The following ASAP1 variants were observed in gnomAD, a reference collection of about 807,000 sequenced individuals.
The protein encoded by ASAP1 is arf-GAP with SH3 domain, ANK repeat and PH domain-containing protein 1.
ASAP1 carries 43 observed loss-of-function variants against 145.2 expected under a neutral mutation model. The observed-to-expected ratio is 0.30, with a 90% CI of 0.23 to 0.38. The LOEUF is 0.38. Ranked by LOEUF, ASAP1 falls within the 10% of genes least tolerant of loss-of-function variation. ASAP1 has a pLI of 1.00. For synonymous variants in ASAP1, 546 were observed against 515.5 expected (o/e 1.06, Z -0.80); for missense variants, 1,018 against 1,355.3 (o/e 0.75, Z 3.91).
At chr8:130,356,270 T>C (rs1169713160) in intron 3 of ASAP1, among the ~76,000 whole-genome samples, 1 of 152,196 alleles carries the variant, frequency 6.6e-6, no homozygotes, top group African/African-American at 2.4e-5. Context: ...TATCTAAATG[T>C]GCAGGAAGAG....
chr8:130,063,520 C>G (rs1468634014), intron 27 of ASAP1, among the ~76,000 whole-genome samples: 5 of 152,200 alleles, frequency 3.3e-5, no homozygotes, highest in African/African-American at 4.8e-5. Context: ...TCAGGGTACA[C>G]TGGCCCAGGT....
At chr8:130,241,977 T>C (rs1387886229) in intron 3 of ASAP1, among the ~76,000 whole-genome samples, 1 of 152,086 alleles carries the variant, frequency 6.6e-6, no homozygotes, top group African/African-American at 2.4e-5. Flanking sequence ...AATTTTATGT[T>C]TACAGAGGCA....
chr8:130,335,203 T>C (rs1334679426), intron 3 of ASAP1, among the ~76,000 whole-genome samples: 1 of 152,256 alleles, frequency 6.6e-6, no homozygotes, highest in Non-Finnish European at 1.5e-5. Flanking sequence ...TTCATTTTCA[T>C]TTGATGACAC....
Position 130,302,374 on chromosome 8 carries a change from G to A in ASAP1, c.186+55643C>T, listed in dbSNP as rs140186431. Among the ~76,000 whole-genome samples the A allele has an allele frequency of 2.6e-5, 4 of 152,330 alleles. No homozygotes were observed. The East Asian group carries it at 7.7e-4, about 29-fold the overall frequency. On this transcript the variant is annotated intron_variant, in intron 3 of 29. Transcript: ENST00000518721. ...TCGTTTTTTCACAGACACAGAAAAT[G>A]TGGCACTGTGAACAGCTATCTCAAA...
chr8:130,325,615 T>A (rs1165187363), intron 3 of ASAP1, among the ~76,000 whole-genome samples: 1 of 152,244 alleles, frequency 6.6e-6, no homozygotes, highest in Non-Finnish European at 1.5e-5. Context: ...GCATAGCCTC[T>A]ATTTACAGTT....
At chr8:130,306,791 G>T (rs1310676610) in intron 3 of ASAP1, among the ~76,000 whole-genome samples, 1 of 152,180 alleles carries the variant, frequency 6.6e-6, no homozygotes, top group Non-Finnish European at 1.5e-5. Context: ...AACTTAACAT[G>T]TATTTGTATT....
intron 12 of ASAP1, among the ~76,000 whole-genome samples, chr8:130,153,620 G>A (rs184989137): frequency 2.6e-5 from 4 of 151,434 alleles, no homozygotes; most frequent in Admixed American, 1.3e-4. Context: ...TGCCCGCCTC[G>A]CCCTCCCAGA....
chr8:130,344,123 A>G (rs1295702994), intron 3 of ASAP1, among the ~76,000 whole-genome samples: 1 of 152,254 alleles, frequency 6.6e-6, no homozygotes, highest in African/African-American at 2.4e-5. Context: ...AACACTATCC[A>G]TACTATGGGA....
At chr8:130,146,927 T>G (rs1253155738) in intron 13 of ASAP1, among the ~76,000 whole-genome samples, 1 of 151,920 alleles carries the variant, frequency 6.6e-6, no homozygotes, top group Non-Finnish European at 1.5e-5. Flanking sequence ...AAAATAGCAA[T>G]ACAAAAGAAT....
At chr8:130,175,414 C>CA (rs1262432933) in intron 9 of ASAP1, among the ~76,000 whole-genome samples, 2 of 152,032 alleles carry the variant, frequency 1.3e-5, no homozygotes, top group African/African-American at 4.8e-5. Context: ...TTTGTAGAGA[C>CA]AGAGTCTCCC....
At chr8:130,363,137 T>C (rs1826795629) in intron 2 of ASAP1, among the ~76,000 whole-genome samples, 1 of 152,132 alleles carries the variant, frequency 6.6e-6, no homozygotes, top group Non-Finnish European at 1.5e-5. Context: ...CGAGCTAAGG[T>C]ATATAAAGTG....
At chr8:130,150,244 CTTG>C (rs1365647337) in intron 13 of ASAP1, among the ~76,000 whole-genome samples, 1 of 152,200 alleles carries the variant, frequency 6.6e-6, no homozygotes, top group Non-Finnish European at 1.5e-5. Context: ...TGTGATGAGA[CTTG>C]TTAATTCAAG....
At chr8:130,283,587 G>GACAAAAAAAAAAAAAAA (rs1821396757) in intron 3 of ASAP1, among the ~76,000 whole-genome samples, 2 of 20,852 alleles carry the variant, frequency 9.6e-5, no homozygotes, top group African/African-American at 3.4e-4. Flanking sequence ...ATCACAGAAA[G>GACAAAAAAAAAAAAAAA]AAAAAAAAAA....
chr8:130,302,013 C>A (rs1565188019), intron 3 of ASAP1, among the ~76,000 whole-genome samples: 2 of 152,184 alleles, frequency 1.3e-5, no homozygotes. Flanking sequence ...TTGGTAAGTA[C>A]TCAACTACTA....
chr8:130,167,490 C>T (rs896205689), intron 11 of ASAP1, 46 bp downstream of exon 11: 1 of 1,481,134 alleles, frequency 6.8e-7, no homozygotes, highest in South Asian at 1.1e-5. Context: ...TTACAAGCAG[C>T]CTTACCTACA....
intron 27 of ASAP1, among the ~76,000 whole-genome samples, chr8:130,073,755 T>G (rs1002286835): frequency 6.6e-6 from 1 of 152,202 alleles, no homozygotes; most frequent in Non-Finnish European, 1.5e-5. Context: ...GGATCAATCT[T>G]GGCTCTGAGC....
At chr8:130,233,441 T>C (rs1392275965) in intron 4 of ASAP1, among the ~76,000 whole-genome samples, 5 of 152,168 alleles carry the variant, frequency 3.3e-5, no homozygotes, top group Non-Finnish European at 7.4e-5. Context: ...TTTCCATTAT[T>C]TGCTAGGTAT....
chr8:130,081,402 G>A (rs2097480196), intron 25 of ASAP1, among the ~76,000 whole-genome samples: 1 of 152,198 alleles, frequency 6.6e-6, no homozygotes, highest in African/African-American at 2.4e-5. Context: ...TGGGCACCCT[G>A]TCTCTGGGGC....
intron 4 of ASAP1, among the ~76,000 whole-genome samples, chr8:130,217,603 A>G (rs1318343164): frequency 6.6e-6 from 1 of 151,604 alleles, no homozygotes; most frequent in Non-Finnish European, 1.5e-5. Context: ...GGGATTACCT[A>G]TGGTTCACTT....
Sources: allele counts gnomAD v4.1 joint callset (sites outside exome capture counted in the v4.1 genomes callset), GRCh38; gene constraint gnomAD v4.1.1; transcripts MANE v1.5; gene names NCBI Gene and HGNC (gene_info 2026-07-23, HGNC 2026-07-21).